Variants in PCDH9 observed in about 807,000 individuals in gnomAD.
PCDH9 encodes the protein protocadherin 9.
PCDH9 carries 24 observed loss-of-function variants against 70.6 expected under a neutral mutation model. That is an observed-to-expected ratio of 0.34 (90% confidence interval 0.25 to 0.48). The LOEUF (loss-of-function observed/expected upper bound fraction) is 0.48. Ranked by LOEUF, PCDH9 falls within the 20% of genes least tolerant of loss-of-function variation. The probability of loss-of-function intolerance (pLI) is 0.99; values close to 1 mark genes in which losing one functional copy is unlikely to be tolerated. For synonymous variants in PCDH9, 562 were observed against 558.5 expected, an observed-to-expected ratio of 1.01 and a Z score of -0.09; for missense variants, 1,281 against 1,503.6, an observed-to-expected ratio of 0.85 and a Z score of 2.45.
chr13:67,170,793 T>C (rs2088262411), intron 2 of PCDH9, among the ~76,000 whole-genome samples: 1 of 151,934 alleles, frequency 6.6e-6, no homozygotes, highest in African/African-American at 2.4e-5. Context: ...GGCCTGGTGG[T>C]GCACTCCTGT....
chr13:67,183,733 A>T (rs2088676514), intron 2 of PCDH9, among the ~76,000 whole-genome samples: 1 of 152,182 alleles, frequency 6.6e-6, no homozygotes, highest in African/African-American at 2.4e-5. Context: ...AATTTAAGAA[A>T]ATTTGGAAAA....
chr13:67,188,607 G>GA (rs1019699779), intron 2 of PCDH9, among the ~76,000 whole-genome samples: 16 of 151,864 alleles, frequency 1.1e-4, no homozygotes, highest in Non-Finnish European at 5.9e-5. Context: ...TTTGAAAAGA[G>GA]AAAAAAATTA....
intron 4 of PCDH9, among the ~76,000 whole-genome samples, chr13:66,591,483 A>C (rs1593742902): frequency 6.6e-6 from 1 of 151,648 alleles, no homozygotes. Context: ...CAAAAAAAAA[A>C]GCTAAGAGCA....
In PCDH9 at chr13:66,566,847, A is replaced by G. The variant is rs1031012891; in HGVS notation, c.3340+64363T>C. 2.0e-5 allele frequency among the ~76,000 whole-genome samples: 3 copies of G among 152,282 alleles called. 1 individual carries two copies. Among genetic ancestry groups the G allele is most frequent in the Middle Eastern group, 6.8e-3 (2 of 294 alleles). ...AAATTTTTGATGCATTCATTTAATT[A>G]TATACCAAGAGTAAAAGATAGCATT... On this transcript the variant is annotated intron_variant, in intron 4 of 4. Coordinates refer to ENST00000377865, the MANE Select transcript of PCDH9 (RefSeq NM_203487.3).
chr13:67,002,376 G>T (rs1339483753), intron 2 of PCDH9, among the ~76,000 whole-genome samples: 1 of 151,726 alleles, frequency 6.6e-6, no homozygotes, highest in Non-Finnish European at 1.5e-5. Flanking sequence ...ATATTAAAAT[G>T]CTTATGCTTA....
intron 4 of PCDH9, among the ~76,000 whole-genome samples, chr13:66,428,059 C>T (rs1957705195): frequency 6.6e-6 from 1 of 151,528 alleles, no homozygotes; most frequent in South Asian, 2.1e-4. Flanking sequence ...TTGAAAGAAA[C>T]CATATGTGGC....
intron 4 of PCDH9, among the ~76,000 whole-genome samples, chr13:66,456,840 T>A (rs1285809579): frequency 2.0e-5 from 3 of 152,050 alleles, no homozygotes; most frequent in Non-Finnish European, 4.4e-5. Context: ...CCAAAAAAAA[T>A]AAAGAATAAT....
rs1250961905 is a variant in PCDH9, at chr13:66,934,811, C to G, written c.3037-31206G>C. On this transcript the variant is annotated intron_variant, in intron 2 of 4. Transcript: ENST00000377865. ...TCTCGGCTCACTGCAAGCTCCGCCT[C>G]CCGGGTTCACGCCATTCTCCTGCCT... Among the ~76,000 whole-genome samples the G allele has an allele frequency of 5.5e-3, 755 of 137,648 alleles. 4 individuals are homozygous for G. Among genetic ancestry groups the G allele is most frequent in the African/African-American group, 0.019 (675 of 36,486 alleles). 90.3% of individuals were successfully genotyped at this position (137,648 alleles called of 152,430 possible). A position where few individuals can be genotyped will look rare whatever the true frequency, so the allele number is the denominator to read the frequency against.
intron 2 of PCDH9, among the ~76,000 whole-genome samples, chr13:66,930,656 A>T (rs1566300492): frequency 6.6e-6 from 1 of 152,024 alleles, no homozygotes; most frequent in East Asian, 1.9e-4. Context: ...TTTGGAGGGG[A>T]GGGAAGAAGG....
intron 3 of PCDH9, among the ~76,000 whole-genome samples, chr13:66,846,262 G>A (rs976625527): frequency 6.6e-6 from 1 of 151,766 alleles, no homozygotes; most frequent in Non-Finnish European, 1.5e-5. Context: ...TACTAAACAC[G>A]TAATACCTTT....
At chr13:66,864,471 C>G (rs975083735) in intron 3 of PCDH9, among the ~76,000 whole-genome samples, 1 of 152,038 alleles carries the variant, frequency 6.6e-6, no homozygotes, top group African/African-American at 2.4e-5. Flanking sequence ...GTTGTGTTAT[C>G]CTTTAAGTTA....
chr13:66,657,409 A>T (rs548076830), intron 3 of PCDH9, among the ~76,000 whole-genome samples: 5 of 152,298 alleles, frequency 3.3e-5, no homozygotes, highest in South Asian at 2.1e-4. Flanking sequence ...CATTGCTATG[A>T]TCTCAAGCAT....
chr13:67,051,333 A>G (rs1327047979), intron 2 of PCDH9, among the ~76,000 whole-genome samples: 1 of 150,644 alleles, frequency 6.6e-6, no homozygotes, highest in African/African-American at 2.4e-5. Context: ...GGTCTGCATG[A>G]TCTGAAGTAA....
At chr13:66,396,283 A>T (rs1957100221) in intron 4 of PCDH9, among the ~76,000 whole-genome samples, 1 of 152,080 alleles carries the variant, frequency 6.6e-6, no homozygotes, top group African/African-American at 2.4e-5. Context: ...ACTCTTTTCA[A>T]CTCCCCTTTA....
Position 66,621,976 on chromosome 13 carries a change from C to T in PCDH9, c.3340+9234G>A, listed in dbSNP as rs767206981. On this transcript the variant is annotated intron_variant, in intron 4 of 4. Coordinates refer to ENST00000377865, the MANE Select transcript of PCDH9 (RefSeq NM_203487.3). ...GAAGCGCCAGCGGGAACCGGGGCTG[C>T]GCGTGGGGCTTGCGGGCCAGCTGGA... Among the ~76,000 whole-genome samples the T allele has an allele frequency of 1.1e-4, 17 of 152,320 alleles. 1 individual carries two copies. Among genetic ancestry groups the T allele is most frequent in the Admixed American group, 2.0e-4 (3 of 15,310 alleles).
At chr13:66,900,439 T>G (rs1227362344) in intron 3 of PCDH9, among the ~76,000 whole-genome samples, 1 of 151,874 alleles carries the variant, frequency 6.6e-6, no homozygotes, top group African/African-American at 2.4e-5. Context: ...CAGAGTTAAA[T>G]TGGCAGCATT....
chr13:66,304,858 CCTT>C lies in PCDH9; in HGVS notation c.3508_3510del (p.Lys1170del), dbSNP rs762486943. On this transcript the variant is annotated inframe_deletion, in exon 5 of 5. Transcript: ENST00000377865. ...AGGGTGTGCCCATTCACAAGCTTGT[CCTT>C]CTTCACCCATTCTTTCTGGGGTGCA... 1.9e-6 allele frequency: 3 copies of C among 1,613,458 alleles called. No individual in the cohort carries two copies. Among genetic ancestry groups the C allele is most frequent in the African/African-American group, 1.3e-5 (1 of 74,860 alleles).
intron 2 of PCDH9, among the ~76,000 whole-genome samples, chr13:66,908,313 G>A (rs2082398475): frequency 6.6e-6 from 1 of 152,116 alleles, no homozygotes; most frequent in South Asian, 2.1e-4. Context: ...TACACTCATG[G>A]CTTTCTTTCT....
chr13:66,577,357 T>C (rs2138766406), intron 4 of PCDH9, among the ~76,000 whole-genome samples: 1 of 152,086 alleles, frequency 6.6e-6, no homozygotes, highest in South Asian at 2.1e-4. Context: ...ACAGGAATTA[T>C]AAAGTAAATA....
Sources: gnomAD v4.1 joint callset for allele counts (sites outside exome capture counted in the v4.1 genomes callset) on GRCh38, gnomAD v4.1.1 for gene constraint, MANE v1.5 for transcripts, NCBI Gene and HGNC (gene_info 2026-07-23, HGNC 2026-07-21) for gene names.